The following ABTB2 variants were observed in gnomAD, a reference collection of about 807,000 sequenced individuals.
The protein encoded by ABTB2 is ankyrin repeat and BTB domain containing 2.
Under a neutral mutation model 104.1 loss-of-function variants are expected in ABTB2, and 56 were observed. That is an observed-to-expected ratio of 0.54 (90% CI 0.43 to 0.67). The LOEUF is 0.67. Ranked by LOEUF, ABTB2 falls within the 30% of genes least tolerant of loss-of-function variation. The pLI is 0.00. For synonymous variants in ABTB2, 606 were observed against 608.2 expected, an observed-to-expected ratio of 1.00 and a Z score of 0.05; for missense variants, 1,279 against 1,407.7, an observed-to-expected ratio of 0.91 and a Z score of 1.46.
chr11:34,346,257 G>A (rs963009093), intron 1 of ABTB2, among the ~76,000 whole-genome samples: 3 of 150,642 alleles, frequency 2.0e-5, no homozygotes, highest in Middle Eastern at 3.4e-3. Flanking sequence ...GTATAAAGAA[G>A]GGTGTAGCAT....
intron 1 of ABTB2, among the ~76,000 whole-genome samples, chr11:34,337,338 G>A (rs1017296015): frequency 1.3e-5 from 2 of 152,234 alleles, no homozygotes; most frequent in African/African-American, 4.8e-5. Context: ...GACGGGCACA[G>A]CTGACTGGCT....
At chr11:34,191,205 G>T (rs1217340878) in intron 3 of ABTB2, among the ~76,000 whole-genome samples, 1 of 152,126 alleles carries the variant, frequency 6.6e-6, no homozygotes, top group African/African-American at 2.4e-5. Flanking sequence ...GGAGTTCAAG[G>T]CTGCAGTGAA....
chr11:34,263,336 G>A (rs920298383), intron 1 of ABTB2, among the ~76,000 whole-genome samples: 1 of 152,126 alleles, frequency 6.6e-6, no homozygotes. Context: ...CTCTGTGGGG[G>A]AAATAAAATC....
intron 1 of ABTB2, among the ~76,000 whole-genome samples, chr11:34,347,918 C>T (rs1357055498): frequency 6.6e-6 from 1 of 152,170 alleles, no homozygotes; most frequent in Non-Finnish European, 1.5e-5. Flanking sequence ...TCTTCTCTCA[C>T]CCTGTTTTAT....
chr11:34,351,950 T>A (rs545673604), intron 1 of ABTB2, among the ~76,000 whole-genome samples: 1 of 152,290 alleles, frequency 6.6e-6, no homozygotes, highest in Non-Finnish European at 1.5e-5. Flanking sequence ...AAATTTTTCA[T>A]TTCCAAAGCT....
chr11:34,307,544 T>G (rs542710588), intron 1 of ABTB2, among the ~76,000 whole-genome samples: 1 of 152,334 alleles, frequency 6.6e-6, no homozygotes, highest in Non-Finnish European at 1.5e-5. Flanking sequence ...AGAAACGCCA[T>G]AGACCCTGTT....
At chr11:34,195,075 C>CGGGTGG (rs1554982290) in intron 3 of ABTB2, among the ~76,000 whole-genome samples, 1 of 18,066 alleles carries the variant, frequency 5.5e-5, no homozygotes, top group Non-Finnish European at 2.0e-4. Context: ...AGATGCCCGG[C>CGGGTGG]GGGGGGGGGG....
chr11:34,197,968 G>A (rs981239969), intron 2 of ABTB2, among the ~76,000 whole-genome samples: 4 of 152,130 alleles, frequency 2.6e-5, no homozygotes, highest in African/African-American at 9.7e-5. Context: ...AAGTATTTCA[G>A]CGGAGAAGGT....
chr11:34,295,005 C>G (rs1215239218), intron 1 of ABTB2, among the ~76,000 whole-genome samples: 1 of 152,054 alleles, frequency 6.6e-6, no homozygotes, highest in African/African-American at 2.4e-5. Context: ...TGAGCCACCA[C>G]GCCGGGCCTC....
intron 1 of ABTB2, among the ~76,000 whole-genome samples, chr11:34,240,618 G>T (rs1036041050): frequency 6.6e-6 from 1 of 152,054 alleles, no homozygotes; most frequent in African/African-American, 2.4e-5. Flanking sequence ...TTTGAGATGG[G>T]GTCTCACTCT....
intron 1 of ABTB2, among the ~76,000 whole-genome samples, chr11:34,240,045 T>C (rs1025880532): frequency 6.6e-6 from 1 of 152,180 alleles, no homozygotes; most frequent in Non-Finnish European, 1.5e-5. Context: ...CCACAAAAGA[T>C]AGTTAATGGA....
chr11:34,324,630 A>G (rs1268930547), intron 1 of ABTB2, among the ~76,000 whole-genome samples: 1 of 152,118 alleles, frequency 6.6e-6, no homozygotes, highest in Non-Finnish European at 1.5e-5. Context: ...CTGCCAGACC[A>G]CTGGATCAGC....
At chr11:34,178,769 G>C (rs1160756095) in intron 3 of ABTB2, among the ~76,000 whole-genome samples, 10 of 152,066 alleles carry the variant, frequency 6.6e-5, no homozygotes, top group Admixed American at 6.6e-4. Flanking sequence ...CTGGTCTCAG[G>C]ACTCTATATA....
rs369288275 is a variant in ABTB2, at chr11:34,357,020, G to A, written c.564C>T (p.Ser188=). The A allele has an allele frequency of 1.9e-5, 30 of 1,560,330 alleles. No homozygotes were observed. Among genetic ancestry groups the A allele is most frequent in the East Asian group, 1.9e-4 (8 of 42,810 alleles). The part of the protein sequence containing the change: ...AVKALSLYSM[S]AGDGLRRGKS... ...TGCCCCGGCGCAGCCCGTCGCCGGC[G>A]CTCATGCTGTACAGGGACAGCGCCT... The change falls in exon 1 of 17, where the codon AGC becomes AGT. Residue 188 remains serine, a synonymous_variant. Transcript: ENST00000435224.
Position 34,310,661 on chromosome 11 carries a change from C to T in ABTB2, c.883+46040G>A, listed in dbSNP as rs532350637. 5.3e-5 allele frequency among the ~76,000 whole-genome samples: 8 copies of T among 152,260 alleles called. No individual in the cohort carries two copies. The South Asian group carries it at 1.5e-3, about 28-fold the overall frequency. Reference sequence around the variant, plus strand: ...CATGCTGTTCCCTTTCCTTGCACCTCCCTCACCCCCCAGCACCCTCCCTCT... The same window carrying T: ...CATGCTGTTCCCTTTCCTTGCACCTTCCTCACCCCCCAGCACCCTCCCTCT... On this transcript the variant is annotated intron_variant, in intron 1 of 16. Coordinates refer to ENST00000435224, the MANE Select transcript of ABTB2 (RefSeq NM_145804.3).
At chr11:34,165,151 G>T in intron 8 of ABTB2, 109 bp downstream of exon 8, 1 of 1,035,120 alleles carries the variant, frequency 9.7e-7, no homozygotes, top group South Asian at 1.7e-5. Flanking sequence ...GCCCCTGCAT[G>T]GGGTCCGTGT....
chr11:34,188,504 C>T (rs1309780911), intron 3 of ABTB2, among the ~76,000 whole-genome samples: 2 of 152,208 alleles, frequency 1.3e-5, no homozygotes, highest in Admixed American at 6.5e-5. Context: ...CAAGTCCCTT[C>T]AGAGGCTAGT....
At chr11:34,198,318 G>A (rs528065145) in intron 2 of ABTB2, among the ~76,000 whole-genome samples, 9 of 152,194 alleles carry the variant, frequency 5.9e-5, no homozygotes, top group South Asian at 2.1e-4. Context: ...CCAGCTACTC[G>A]GGACGCTGAG....
chr11:34,301,964 G>A (rs191988448), intron 1 of ABTB2, among the ~76,000 whole-genome samples: 1 of 152,302 alleles, frequency 6.6e-6, no homozygotes, highest in Non-Finnish European at 1.5e-5. Context: ...TCTAGCCTGG[G>A]CAACAGAGTG....
Sources: allele counts gnomAD v4.1 joint callset (sites outside exome capture counted in the v4.1 genomes callset), GRCh38; gene constraint gnomAD v4.1.1; transcripts MANE v1.5; gene names NCBI Gene and HGNC (gene_info 2026-07-23, HGNC 2026-07-21).